Variants in MGAT5B observed in about 807,000 individuals in gnomAD.
MGAT5B encodes the protein N-acetylglucosaminyl-transferase Vb.
Under a neutral mutation model 95.1 loss-of-function variants are expected in MGAT5B, and 54 were observed. The observed-to-expected ratio is 0.57, with a 90% CI of 0.46 to 0.71. The LOEUF is 0.71. Among genes scored for constraint, MGAT5B ranks in the 30% least tolerant of loss-of-function variants. MGAT5B has a pLI of 0.00. For synonymous variants in MGAT5B, 464 were observed against 451.0 expected (o/e 1.03, Z -0.36); for missense variants, 935 against 1,088.6 (o/e 0.86, Z 1.99).
chr17:76,935,181 C>A (rs1448016050), intron 12 of MGAT5B, among the ~76,000 whole-genome samples: 1 of 152,112 alleles, frequency 6.6e-6, no homozygotes, highest in Non-Finnish European at 1.5e-5. Flanking sequence ...CGGGGCAAAC[C>A]CACCCTCATC....
intron 2 of MGAT5B, among the ~76,000 whole-genome samples, chr17:76,878,817 C>T (rs1339801382): frequency 1.3e-5 from 2 of 152,168 alleles, no homozygotes; most frequent in African/African-American, 4.8e-5. Context: ...TTTCCCATTT[C>T]TCTAATCTCC....
chr17:76,904,344 C>T lies in MGAT5B; in HGVS notation c.612C>T (p.Val204=), dbSNP rs372736073. 1.2e-5 allele frequency: 19 copies of T among 1,599,706 alleles called. No individual in the cohort carries two copies. Among genetic ancestry groups the T allele is most frequent in the African/African-American group, 1.3e-5 (1 of 74,762 alleles). The change falls in exon 6 of 18, where the codon GTC becomes GTT. Residue 204 remains valine (V), a synonymous_variant. Transcript: ENST00000569840. Reference sequence around the variant, plus strand: ...CCTTCCTCATCTACCTCAGTGAGGTCGAGTGGTTCTGCCCCCCGCTGCCCT... The same window carrying T: ...CCTTCCTCATCTACCTCAGTGAGGTTGAGTGGTTCTGCCCCCCGCTGCCCT... ...ECSFLIYLSE[V]EWFCPPLPWR... is the part of the protein sequence containing the mutation.
intron 8 of MGAT5B, among the ~76,000 whole-genome samples, chr17:76,921,109 A>G (rs60353633): frequency 0.6 from 91,061 of 151,890 alleles, 27,436 homozygotes; most frequent in Non-Finnish European, 0.62. Flanking sequence ...AGGAGGAGGC[A>G]ATATTTGAGT....
chr17:76,937,353 G>T (rs1303175069), intron 12 of MGAT5B, among the ~76,000 whole-genome samples: 1 of 152,126 alleles, frequency 6.6e-6, no homozygotes, highest in Non-Finnish European at 1.5e-5. Context: ...AGATGGATGA[G>T]TCGATGGGTG....
chr17:76,873,733 C>G (rs1849952588), intron 2 of MGAT5B, among the ~76,000 whole-genome samples: 1 of 152,172 alleles, frequency 6.6e-6, no homozygotes, highest in Non-Finnish European at 1.5e-5. Flanking sequence ...GAGCCCTGCT[C>G]ACTGTATCAT....
chr17:76,872,856 T>C lies in MGAT5B; in HGVS notation c.74T>C (p.Phe25Ser). 1 of 1,614,228 alleles carries C rather than the reference T, an allele frequency of 6.2e-7. No homozygotes were observed. Among genetic ancestry groups the C allele is most frequent in the Non-Finnish European group, 8.5e-7 (1 of 1,180,046 alleles). ...CGCCTCCTTCCTCTCCGCAGGCTTT[T>C]TGTCCTGGGCATCGGCTTCTTCACT... ...CLVTLRPFRL[F>S]VLGIGFFTLC... The change falls in exon 2 of 18, where the codon TTT becomes TCT. Residue 25 changes from phenylalanine to serine, a missense_variant. By Grantham distance (155) the Phe-to-Ser change is radical (BLOSUM62 -2). Transcript: ENST00000569840.
At chr17:76,902,916 C>T (rs1860366924) in intron 4 of MGAT5B, among the ~76,000 whole-genome samples, 1 of 152,150 alleles carries the variant, frequency 6.6e-6, no homozygotes, top group Non-Finnish European at 1.5e-5. Context: ...GTCCACAGTT[C>T]CAGGAGTGAG....
In MGAT5B at chr17:76,906,095, A is replaced by G. The variant is rs771305167; in HGVS notation, c.933A>G (p.Leu311=). 5.6e-6 allele frequency: 9 copies of G among 1,607,266 alleles called. No homozygotes were observed. The South Asian group carries it at 8.8e-5, about 16-fold the overall frequency. The change falls in exon 8 of 18, where the codon CTA becomes CTG. Residue 311 remains leucine (L), a synonymous_variant. Coordinates refer to ENST00000569840, the MANE Select transcript of MGAT5B (RefSeq NM_001199172.2). The surrounding 1 kb of genome is among the most constrained non-coding windows in gnomAD (Gnocchi z 4.6). ...FSPRVLKGGP[L]GEMVQWADIL... is the part of the protein sequence containing the mutation. ...CTCGGGTCCTGAAGGGCGGGCCCCTAGGGGAGATGGTGCAGTGGGCGGACA... is the reference window on the plus strand; with the variant it reads ...CTCGGGTCCTGAAGGGCGGGCCCCTGGGGGAGATGGTGCAGTGGGCGGACA...
chr17:76,922,459 A>G (rs760924683), intron 8 of MGAT5B, among the ~76,000 whole-genome samples: 23 of 152,220 alleles, frequency 1.5e-4, no homozygotes, highest in Non-Finnish European at 3.1e-4. Context: ...CTGGGCCATC[A>G]GTTTTACTGG....
chr17:76,891,412 C>T (rs899330367), intron 3 of MGAT5B, among the ~76,000 whole-genome samples: 33 of 152,094 alleles, frequency 2.2e-4, no homozygotes, highest in African/African-American at 8.0e-4. Context: ...CGGGGTCTCC[C>T]TCTGTCAACC....
chr17:76,881,512 G>A (rs1674309950), intron 2 of MGAT5B, among the ~76,000 whole-genome samples: 2 of 152,236 alleles, frequency 1.3e-5, no homozygotes, highest in Non-Finnish European at 2.9e-5. Context: ...AAGCAACAGG[G>A]CCCTGGGGCC....
At chr17:76,919,321 C>T (rs949604412) in intron 8 of MGAT5B, among the ~76,000 whole-genome samples, 1 of 152,174 alleles carries the variant, frequency 6.6e-6, no homozygotes, top group African/African-American at 2.4e-5. Flanking sequence ...GAGTCCCAGG[C>T]AGGTGGGGAA....
intron 2 of MGAT5B, among the ~76,000 whole-genome samples, chr17:76,880,911 G>C (rs1408540010): frequency 6.6e-6 from 1 of 152,188 alleles, no homozygotes; most frequent in African/African-American, 2.4e-5. Context: ...CCTTGTCCCA[G>C]GCTCTGCTTC....
chr17:76,937,730 C>T (rs1969724166), intron 12 of MGAT5B, among the ~76,000 whole-genome samples: 1 of 152,156 alleles, frequency 6.6e-6, no homozygotes, highest in Non-Finnish European at 1.5e-5. Flanking sequence ...ATGTTGGTCC[C>T]CATAGGGTTC....
chr17:76,929,254 G>C (rs1337442665), intron 10 of MGAT5B, among the ~76,000 whole-genome samples: 2 of 152,152 alleles, frequency 1.3e-5, no homozygotes, highest in South Asian at 2.1e-4. Context: ...AGCAGAGATG[G>C]GTTAAGAGGC....
At chr17:76,944,632 C>G (rs182853319) in intron 15 of MGAT5B, among the ~76,000 whole-genome samples, 595 of 152,256 alleles carry the variant, frequency 3.9e-3, no homozygotes, top group Non-Finnish European at 6.3e-3. Context: ...GCAGATTCTC[C>G]GGGACTTCGA....
chr17:76,928,889 T>TC lies in MGAT5B; in HGVS notation c.1291+2159_1291+2160insC, dbSNP rs535598600. On this transcript the variant is annotated intron_variant, in intron 10 of 17. Transcript: ENST00000569840. ...GAGAATGTCATGAATAATTTTTTTT[T>TC]TTTTGAGACTCTGTCACTCAGGCTG... Among the ~76,000 whole-genome samples the TC allele has an allele frequency of 6.6e-5, 10 of 150,930 alleles. No individual in the cohort carries two copies. The East Asian group carries it at 2.0e-3, about 30-fold the overall frequency.
intron 3 of MGAT5B, among the ~76,000 whole-genome samples, chr17:76,899,029 C>G (rs929877196): frequency 2.6e-5 from 4 of 152,192 alleles, no homozygotes; most frequent in Non-Finnish European, 4.4e-5. Flanking sequence ...CACCGTGGGT[C>G]AGGGGGTTCA....
intron 15 of MGAT5B, among the ~76,000 whole-genome samples, chr17:76,945,265 G>A (rs1041569030): frequency 2.6e-5 from 4 of 152,146 alleles, no homozygotes; most frequent in Non-Finnish European, 5.9e-5. Flanking sequence ...CACAGGACAG[G>A]TTGCTGTGTG....
Sources: allele counts gnomAD v4.1 joint callset (sites outside exome capture counted in the v4.1 genomes callset), GRCh38; gene constraint gnomAD v4.1.1; non-coding constraint Gnocchi (gnomAD v3.1); transcripts MANE v1.5; gene names NCBI Gene and HGNC (gene_info 2026-07-23, HGNC 2026-07-21).